The following PDE11A variants were observed in gnomAD, a reference collection of about 807,000 sequenced individuals.
PDE11A encodes the protein dual 3',5'-cyclic-AMP and -GMP phosphodiesterase 11A.
A neutral mutation model predicts 100.5 loss-of-function variants in PDE11A; 100 were observed. The ratio of observed to expected loss-of-function variants is 1.00; its 90% CI spans 0.85 to 1.18. The LOEUF is 1.18. Ranked by LOEUF, PDE11A falls within the 50% of genes most tolerant of loss-of-function variation. PDE11A has a pLI of 0.00. For synonymous variants in PDE11A, 381 were observed against 420.8 expected, an observed-to-expected ratio of 0.91 and a Z score of 1.16; for missense variants, 1,141 against 1,152.6, an observed-to-expected ratio of 0.99 and a Z score of 0.15.
At chr2:178,082,207 C>A (rs1313380833) in intron 2 of PDE11A, among the ~76,000 whole-genome samples, 1 of 152,126 alleles carries the variant, frequency 6.6e-6, no homozygotes, top group East Asian at 1.9e-4. Context: ...GCACTTAGAA[C>A]AGTATCTGTA....
chr2:177,720,518 C>A (rs991539002), intron 12 of PDE11A, among the ~76,000 whole-genome samples: 4 of 151,998 alleles, frequency 2.6e-5, no homozygotes, highest in African/African-American at 7.2e-5. Flanking sequence ...GTTTGTCTAC[C>A]AATAAATGGG....
At chr2:178,052,383 T>C (rs903728659) in intron 1 of PDE11A, among the ~76,000 whole-genome samples, 1 of 152,214 alleles carries the variant, frequency 6.6e-6, no homozygotes, top group Non-Finnish European at 1.5e-5. Flanking sequence ...GGGAAATTTA[T>C]AGCACTAAAT....
intron 15 of PDE11A, chr2:177,686,835 C>A (rs2105515371): frequency 6.6e-6 from 1 of 151,642 alleles, no homozygotes; most frequent in South Asian, 2.1e-4. Flanking sequence ...TCAGCCTCAG[C>A]CTCCTGAGTA....
At chr2:177,968,161 AGAC>A (rs2085722238) in intron 2 of PDE11A, among the ~76,000 whole-genome samples, 1 of 152,210 alleles carries the variant, frequency 6.6e-6, no homozygotes, top group Non-Finnish European at 1.5e-5. Flanking sequence ...AAGGTAACAA[AGAC>A]AAACAAACAA....
chr2:177,782,896 GAA>G (rs1178190274), intron 9 of PDE11A, among the ~76,000 whole-genome samples: 1 of 146,284 alleles, frequency 6.8e-6, no homozygotes, highest in Non-Finnish European at 1.5e-5. Flanking sequence ...CTTGCTTTCT[GAA>G]AAGACAAATT....
intron 6 of PDE11A, among the ~76,000 whole-genome samples, chr2:177,824,653 C>T (rs563263310): frequency 2.0e-5 from 3 of 152,254 alleles, no homozygotes; most frequent in East Asian, 3.9e-4. Context: ...CAAAGCTTTA[C>T]ATGTAAAAGT....
intron 15 of PDE11A, among the ~76,000 whole-genome samples, chr2:177,694,270 T>A (rs748860922): frequency 6.6e-6 from 1 of 152,086 alleles, no homozygotes; most frequent in Non-Finnish European, 1.5e-5. Context: ...GTGTTGATAT[T>A]TTTTTTTCTC....
At chr2:177,962,696 G>T (rs2085649862) in intron 2 of PDE11A, among the ~76,000 whole-genome samples, 1 of 152,122 alleles carries the variant, frequency 6.6e-6, no homozygotes, top group African/African-American at 2.4e-5. Context: ...TAAATTTAGA[G>T]TAGAGGCCAT....
intron 4 of PDE11A, among the ~76,000 whole-genome samples, chr2:177,895,339 G>A (rs918054047): frequency 6.6e-6 from 1 of 152,158 alleles, no homozygotes; most frequent in East Asian, 1.9e-4. Context: ...GATCAACTGA[G>A]GTCAGGAGTT....
chr2:178,055,353 G>A (rs535710330), intron 1 of PDE11A, among the ~76,000 whole-genome samples: 4 of 151,356 alleles, frequency 2.6e-5, no homozygotes, highest in Non-Finnish European at 5.9e-5. Context: ...GTCATGGGGT[G>A]GGGGGGAGGG....
At chr2:177,720,671 G>A (rs1234431245) in intron 12 of PDE11A, among the ~76,000 whole-genome samples, 1 of 152,120 alleles carries the variant, frequency 6.6e-6, no homozygotes, top group East Asian at 1.9e-4. Context: ...CAAGCCAATT[G>A]CAGGTTGTCT....
chr2:177,853,671 T>C lies in PDE11A; in HGVS notation c.1368-13288A>G, dbSNP rs372551861. Among the ~76,000 whole-genome samples the C allele has an allele frequency of 2.5e-3, 88 of 35,692 alleles. 5 individuals are homozygous for C. The highest frequency in any genetic ancestry group is 2.6e-3 in the Admixed American group (6 of 2,294). The allele number at this position is 35,692 out of a possible 152,430, so 23.4% of individuals were successfully genotyped here. A position where few individuals can be genotyped will look rare whatever the true frequency, so the allele number is the denominator to read the frequency against. On this transcript the variant is annotated intron_variant, in intron 5 of 19. Transcript: ENST00000286063. ...ATATATATATATATATATATATATA[T>C]ATATATATATGTGTGTGTGTGTGTG...
At chr2:178,057,838 A>T (rs1000355219) in intron 1 of PDE11A, among the ~76,000 whole-genome samples, 2 of 152,070 alleles carry the variant, frequency 1.3e-5, no homozygotes, top group Non-Finnish European at 2.9e-5. Context: ...CTTGGCCTAC[A>T]AGTGCCCTAG....
chr2:177,728,260 C>T, intron 10 of PDE11A, 88 bp from the exon 11 acceptor site: 2 of 1,161,482 alleles, frequency 1.7e-6, no homozygotes, highest in African/African-American at 1.5e-5. Context: ...ATCAGAAGTG[C>T]CACATAAATC....
chr2:177,790,939 A>G (rs1021928079), intron 9 of PDE11A, among the ~76,000 whole-genome samples: 4 of 152,164 alleles, frequency 2.6e-5, no homozygotes, highest in Admixed American at 6.5e-5. Flanking sequence ...ACTGTTGGAG[A>G]GACTGTAAAC....
intron 5 of PDE11A, 115 bp from the exon 6 acceptor site, chr2:177,840,498 A>G: frequency 1.1e-6 from 1 of 897,064 alleles, no homozygotes; most frequent in Non-Finnish European, 1.8e-6. Context: ...AGAAAAAATA[A>G]GTGACATTAG....
intron 1 of PDE11A, among the ~76,000 whole-genome samples, chr2:178,039,355 A>G (rs1056666626): frequency 2.6e-5 from 4 of 152,198 alleles, no homozygotes; most frequent in African/African-American, 9.6e-5. Context: ...AAAAAAGGGA[A>G]CAACAGACAT....
intron 13 of PDE11A, among the ~76,000 whole-genome samples, chr2:177,701,754 AGT>A (rs2081200594): frequency 6.6e-6 from 1 of 152,168 alleles, no homozygotes; most frequent in African/African-American, 2.4e-5. Context: ...TATTCTGCAG[AGT>A]GCATTTTATC....
intron 1 of PDE11A, among the ~76,000 whole-genome samples, chr2:178,069,056 C>G (rs772088993): frequency 3.9e-5 from 6 of 152,016 alleles, no homozygotes; most frequent in Non-Finnish European, 8.8e-5. Context: ...AGGAGAAAAA[C>G]AATATAAAAT....
Sources: allele counts gnomAD v4.1 joint callset (sites outside exome capture counted in the v4.1 genomes callset), GRCh38; gene constraint gnomAD v4.1.1; transcripts MANE v1.5; gene names NCBI Gene and HGNC (gene_info 2026-07-23, HGNC 2026-07-21).